Variants in CDH8 observed in about 807,000 individuals in gnomAD.
CDH8 encodes the protein cadherin 8, also known as cadherin-8.
In CDH8, 17 loss-of-function variants were observed where a neutral mutation model predicts 68.1. That is an observed-to-expected ratio of 0.25 (90% CI 0.17 to 0.37). The LOEUF is 0.37. Among genes scored for constraint, CDH8 ranks in the 10% least tolerant of loss-of-function variants. The probability of loss-of-function intolerance (pLI) is 1.00; values close to 1 mark genes in which losing one functional copy is unlikely to be tolerated. For missense variants in CDH8, 763 were observed against 999.3 expected (o/e 0.76, Z 3.19); for synonymous variants, 372 against 365.1 (o/e 1.02, Z -0.21).
intron 2 of CDH8, among the ~76,000 whole-genome samples, chr16:61,991,864 A>G (rs988182190): frequency 7.2e-5 from 11 of 152,208 alleles, no homozygotes; most frequent in Admixed American, 2.6e-4. Flanking sequence ...AGAGGTGGCA[A>G]CTGGTCTAAT....
chr16:61,998,759 A>G (rs1965847650), intron 2 of CDH8, among the ~76,000 whole-genome samples: 1 of 152,220 alleles, frequency 6.6e-6, no homozygotes, highest in African/African-American at 2.4e-5. Flanking sequence ...AAGATATTCA[A>G]GTCTCTGCTT....
intron 2 of CDH8, among the ~76,000 whole-genome samples, chr16:61,923,192 C>A (rs1239435026): frequency 6.6e-6 from 1 of 152,190 alleles, no homozygotes; most frequent in African/African-American, 2.4e-5. Context: ...ATTTTTCCCA[C>A]AACCCTGGGG....
intron 10 of CDH8, among the ~76,000 whole-genome samples, chr16:61,686,573 C>T (rs1029637519): frequency 6.6e-6 from 1 of 151,952 alleles, no homozygotes; most frequent in African/African-American, 2.4e-5. Context: ...AACCTTCCAC[C>T]TACCTACCCC....
At chr16:61,655,768 T>C in intron 10 of CDH8, 47 bp from the exon 11 acceptor site, 1 of 1,549,332 alleles carries the variant, frequency 6.5e-7, no homozygotes, top group Non-Finnish European at 8.9e-7. Flanking sequence ...TCAAAATGAC[T>C]CTCCAAATAA....
intron 2 of CDH8, among the ~76,000 whole-genome samples, chr16:61,934,594 A>C (rs1431008945): frequency 6.6e-6 from 1 of 152,174 alleles, no homozygotes; most frequent in Non-Finnish European, 1.5e-5. Context: ...GAACTCTGCG[A>C]GGTAGGTGTC....
chr16:61,725,153 A>C (rs1376809911), intron 9 of CDH8: 1 of 151,028 alleles, frequency 6.6e-6, no homozygotes, highest in Non-Finnish European at 1.5e-5. Context: ...CCATTTCTTC[A>C]GAGAAAGAGT....
chr16:61,846,881 C>T lies in CDH8; in HGVS notation c.667+10238G>A, dbSNP rs1597014471. On this transcript the variant is annotated intron_variant, in intron 4 of 11. Transcript: ENST00000577390. ...CTAGAAGGGAAGAGGAGACACAAAG[C>T]ATCTAAAGAGAAAACACTAGTGAAA... 2.6e-5 allele frequency among the ~76,000 whole-genome samples: 4 copies of T among 152,132 alleles called. 1 individual carries two copies. The highest frequency in any genetic ancestry group is 2.6e-4 in the Admixed American group (4 of 15,250).
intron 2 of CDH8, among the ~76,000 whole-genome samples, chr16:61,929,001 C>T (rs774305204): frequency 2.6e-5 from 4 of 152,096 alleles, no homozygotes; most frequent in African/African-American, 4.8e-5. Flanking sequence ...CTCTGCCTCC[C>T]GGGTTCACGC....
At chr16:61,744,527 A>G (rs1959964008) in intron 8 of CDH8, among the ~76,000 whole-genome samples, 1 of 151,908 alleles carries the variant, frequency 6.6e-6, no homozygotes, top group Non-Finnish European at 1.5e-5. Context: ...TTTAAATCTA[A>G]TCTGAAAATG....
chr16:61,730,429 C>T (rs16963892), intron 8 of CDH8, among the ~76,000 whole-genome samples: 4,800 of 151,378 alleles, frequency 0.032, 355 homozygotes, highest in East Asian at 0.24. Flanking sequence ...TCTTGTGTCC[C>T]GGCACCTCTG....
chr16:61,777,465 G>T (rs1438734281), intron 8 of CDH8, among the ~76,000 whole-genome samples: 1 of 152,112 alleles, frequency 6.6e-6, no homozygotes, highest in African/African-American at 2.4e-5. Flanking sequence ...CAAGATGTAG[G>T]TATAGGTGCG....
rs1965077989 is a variant in CDH8 at position 61,960,031 on chromosome 16, C to CA, written c.253-58559dup. ...ATATATATATACACACATACACACACACACACAACATATATGTATGTATGT... is the reference window on the plus strand; with the variant it reads ...ATATATATATACACACATACACACACAACACACAACATATATGTATGTATGT... On this transcript the variant is annotated intron_variant, in intron 2 of 11. Coordinates refer to ENST00000577390, the MANE Select transcript of CDH8 (RefSeq NM_001796.5). Among the ~76,000 whole-genome samples the CA allele has an allele frequency of 9.4e-5, 11 of 116,452 alleles. 2 individuals are homozygous for CA. The highest frequency in any genetic ancestry group is 2.9e-4 in the African/African-American group (9 of 30,762). 76.4% of individuals were successfully genotyped at this position (116,452 alleles called of 152,430 possible). A position where few individuals can be genotyped will look rare whatever the true frequency, so the allele number is the denominator to read the frequency against.
Position 61,660,100 on chromosome 16 carries a change from C to A in CDH8, c.1655-4379G>T, listed in dbSNP as rs187541792. On this transcript the variant is annotated intron_variant, in intron 10 of 11. Coordinates refer to ENST00000577390, the MANE Select transcript of CDH8 (RefSeq NM_001796.5). ...GAAGTGAAACATCATGGGTTTAATACCACAGAGGGGGAAATAGACTTCACT... is the reference window on the plus strand; with the variant it reads ...GAAGTGAAACATCATGGGTTTAATAACACAGAGGGGGAAATAGACTTCACT... Among the ~76,000 whole-genome samples, 266 of 152,174 alleles carry A rather than the reference C, an allele frequency of 1.7e-3. 1 individual carries two copies. Among genetic ancestry groups the A allele is most frequent in the Admixed American group, 3.7e-3 (57 of 15,268 alleles).
chr16:62,020,133 A>G (rs1158951014), intron 2 of CDH8, among the ~76,000 whole-genome samples: 2 of 152,234 alleles, frequency 1.3e-5, no homozygotes, highest in Non-Finnish European at 2.9e-5. Context: ...TAATGCAATC[A>G]GAAGTTCCCA....
intron 7 of CDH8, among the ~76,000 whole-genome samples, chr16:61,816,389 G>C (rs1865808): frequency 6.6e-6 from 1 of 151,882 alleles, no homozygotes; most frequent in Admixed American, 6.6e-5. Context: ...TAAATAAACC[G>C]ACAGATAACT....
chr16:61,670,156 C>T (rs1407233840), intron 10 of CDH8, among the ~76,000 whole-genome samples: 1 of 152,058 alleles, frequency 6.6e-6, no homozygotes, highest in Non-Finnish European at 1.5e-5. Flanking sequence ...CCCCTTCCAT[C>T]CAATAAACTC....
At chr16:61,673,077 A>G (rs1271950920) in intron 10 of CDH8, among the ~76,000 whole-genome samples, 1 of 152,122 alleles carries the variant, frequency 6.6e-6, no homozygotes, top group Non-Finnish European at 1.5e-5. Flanking sequence ...AGAAGACAAG[A>G]CTGTTAGTTG....
intron 8 of CDH8, among the ~76,000 whole-genome samples, chr16:61,746,453 T>C (rs933834331): frequency 1.3e-5 from 2 of 151,886 alleles, no homozygotes; most frequent in African/African-American, 4.8e-5. Context: ...TGGCTGCCTT[T>C]AAATCATGTT....
At chr16:61,844,636 T>C (rs1168908214) in intron 4 of CDH8, among the ~76,000 whole-genome samples, 4 of 152,154 alleles carry the variant, frequency 2.6e-5, no homozygotes, top group African/African-American at 9.7e-5. Flanking sequence ...TCCAATGTTA[T>C]AGAAAATGAT....
Sources: gnomAD v4.1 joint callset for allele counts (sites outside exome capture counted in the v4.1 genomes callset) on GRCh38, gnomAD v4.1.1 for gene constraint, MANE v1.5 for transcripts, NCBI Gene and HGNC (gene_info 2026-07-23, HGNC 2026-07-21) for gene names.